Variants in DMGDH observed in about 807,000 individuals in gnomAD.
DMGDH encodes dimethylglycine dehydrogenase, mitochondrial.
A neutral mutation model predicts 95.2 loss-of-function variants in DMGDH; 76 were observed. The ratio of observed to expected loss-of-function variants is 0.80; its 90% CI spans 0.66 to 0.97. DMGDH has a LOEUF of 0.97. Among genes scored for constraint, DMGDH ranks in the 50% least tolerant of loss-of-function variants. DMGDH has a pLI of 0.00. For missense variants in DMGDH, 987 were observed against 1,055.0 expected, an observed-to-expected ratio of 0.94 and a Z score of 0.89; for synonymous variants, 345 against 377.6, an observed-to-expected ratio of 0.91 and a Z score of 1.00.
intron 9 of DMGDH, among the ~76,000 whole-genome samples, chr5:79,031,959 G>T (rs1754188271): frequency 6.6e-6 from 1 of 152,162 alleles, no homozygotes; most frequent in African/African-American, 2.4e-5. Context: ...GCTATACTTT[G>T]TATGAATTAG....
intron 7 of DMGDH, among the ~76,000 whole-genome samples, chr5:79,042,027 G>A (rs1474059883): frequency 6.6e-6 from 1 of 152,092 alleles, no homozygotes; most frequent in Non-Finnish European, 1.5e-5. Flanking sequence ...AAAGCTCCAG[G>A]AAATCATTGC....
At chr5:79,009,244 T>A (rs1753599939) in intron 14 of DMGDH, among the ~76,000 whole-genome samples, 1 of 152,160 alleles carries the variant, frequency 6.6e-6, no homozygotes, top group Admixed American at 6.5e-5. Context: ...AGGAATTAGG[T>A]CTTTTCAGTA....
intron 2 of DMGDH, among the ~76,000 whole-genome samples, chr5:79,060,877 C>T (rs2112672780): frequency 6.7e-6 from 1 of 149,060 alleles, no homozygotes; most frequent in Non-Finnish European, 1.5e-5. Flanking sequence ...GAGATCATGC[C>T]ACTGTACTCC....
intron 14 of DMGDH, among the ~76,000 whole-genome samples, chr5:79,010,001 T>C (rs1458453851): frequency 2.0e-5 from 3 of 152,224 alleles, no homozygotes; most frequent in Admixed American, 2.0e-4. Context: ...TTGAAAAATG[T>C]ATAAATTTCT....
intron 12 of DMGDH, 95 bp from the exon 13 acceptor site, chr5:79,026,676 C>T (rs1394187923): frequency 6.5e-7 from 1 of 1,543,744 alleles, no homozygotes; most frequent in East Asian, 2.3e-5. Flanking sequence ...GGAGAAATTC[C>T]ACTTATGCAA....
At chr5:79,053,894 G>A (rs1754941185) in intron 4 of DMGDH, among the ~76,000 whole-genome samples, 1 of 152,180 alleles carries the variant, frequency 6.6e-6, no homozygotes, top group African/African-American at 2.4e-5. Flanking sequence ...CAGAAGGTTT[G>A]TGTATGGAAA....
Position 79,066,447 on chromosome 5 carries a change from G to A in DMGDH, c.102-2660C>T, listed in dbSNP as rs540054305. On this transcript the variant is annotated intron_variant, in intron 1 of 15. Coordinates refer to ENST00000255189, the MANE Select transcript of DMGDH (RefSeq NM_013391.3). Reference sequence around the variant, plus strand: ...ACTGCAGGCGCCCACCACCACGCCCGGCTAATTTTTTTTTTTTTTTGTATT... The same window carrying A: ...ACTGCAGGCGCCCACCACCACGCCCAGCTAATTTTTTTTTTTTTTTGTATT... Among the ~76,000 whole-genome samples, 33 of 151,218 alleles carry A rather than the reference G, an allele frequency of 2.2e-4. No individual in the cohort carries two copies. In the South Asian group the frequency reaches 5.6e-3, roughly 26 times the overall value.
At chr5:79,052,091 A>G (rs1046560094) in intron 4 of DMGDH, among the ~76,000 whole-genome samples, 3 of 152,202 alleles carry the variant, frequency 2.0e-5, no homozygotes, top group Non-Finnish European at 4.4e-5. Flanking sequence ...CCTTTATTCT[A>G]TTAATGTGGT....
At position 78,998,015 on chromosome 5, in the gene DMGDH, C is replaced by T; in HGVS notation, c.*67G>A. On this transcript the variant is annotated 3_prime_UTR_variant, in exon 16 of 16. Coordinates refer to ENST00000255189, the MANE Select transcript of DMGDH (RefSeq NM_013391.3). Reference sequence around the variant, plus strand: ...CTGGTTTCCTCTATTCCCCTGGGAGCCAGTTATAATAATTTCAAGGACAGT... The same window carrying T: ...CTGGTTTCCTCTATTCCCCTGGGAGTCAGTTATAATAATTTCAAGGACAGT... 6.6e-7 allele frequency: 1 copy of T among 1,519,480 alleles called. No homozygotes were observed. Among genetic ancestry groups the T allele is most frequent in the Non-Finnish European group, 9.1e-7 (1 of 1,095,896 alleles). 94.1% of individuals were successfully genotyped at this position (1,519,480 alleles called of 1,614,324 possible). A position where few individuals can be genotyped will look rare whatever the true frequency, so the allele number is the denominator to read the frequency against.
At chr5:79,047,401 T>G (rs1031883702) in intron 5 of DMGDH, among the ~76,000 whole-genome samples, 1 of 152,184 alleles carries the variant, frequency 6.6e-6, no homozygotes, top group Non-Finnish European at 1.5e-5. Context: ...CAGGCAAAAT[T>G]AAGCAATTCT....
rs1754957473 is a variant in DMGDH at position 79,054,294 on chromosome 5, C to A, written c.430G>T (p.Val144Leu). 6.2e-7 allele frequency: 1 copy of A among 1,614,032 alleles called. No homozygotes were observed. Among genetic ancestry groups the A allele is most frequent in the South Asian group, 1.1e-5 (1 of 91,086 alleles). The change falls in exon 4 of 16, where the codon GTA (valine) becomes TTA (leucine). Residue 144 changes from valine (V) to leucine (L), a missense_variant. By Grantham distance (32) the Val-to-Leu change is conservative. Coordinates refer to ENST00000255189, the MANE Select transcript of DMGDH (RefSeq NM_013391.3). Reference protein sequence around the residue: ...SIRLATTPVRVDEFKYQMTRT... With the variant: ...SIRLATTPVRLDEFKYQMTRT... ...GTCATTTGATATTTAAATTCATCTA[C>A]CCTTACAGGGGTGGTAGCAAGTCTG...
chr5:79,030,063 G>A (rs763002672), intron 10 of DMGDH, 29 bp from the exon 11 acceptor site: 1 of 1,594,374 alleles, frequency 6.3e-7, no homozygotes, highest in Non-Finnish European at 8.6e-7. Context: ...AATTACCTTA[G>A]GATGAACTAA....
At position 78,998,006 on chromosome 5, in the gene DMGDH, C is replaced by T. The variant is rs1753389225; in HGVS notation, c.*76G>A. ...AATGAATTCCTGGTTTCCTCTATTC[C>T]CCTGGGAGCCAGTTATAATAATTTC... On this transcript the variant is annotated 3_prime_UTR_variant, in exon 16 of 16. Transcript: ENST00000255189. The T allele has an allele frequency of 4.7e-6, 7 of 1,476,898 alleles. No homozygotes were observed. Among genetic ancestry groups the T allele is most frequent in the East Asian group, 2.3e-5 (1 of 44,190 alleles). The allele number at this position is 1,476,898 out of a possible 1,614,324, so 91.5% of individuals were successfully genotyped here. A position where few individuals can be genotyped will look rare whatever the true frequency, so the allele number is the denominator to read the frequency against.
rs1561213721 is a variant in DMGDH at position 79,026,583 on chromosome 5, T to C, written c.2033-2A>G. On this transcript the variant is annotated splice_acceptor_variant, in intron 12 of 15. Transcript: ENST00000255189. LOFTEE classifies it high-confidence loss of function. ...GATACAGCTCCCAACCCAGCTCACC[T>C]GAAATAAACCCACAGGTGCCACAGC... is the stretch of plus-strand genomic sequence containing the variant. 2 of 1,613,888 alleles carry C rather than the reference T, an allele frequency of 1.2e-6. No individual in the cohort carries two copies. The highest frequency in any genetic ancestry group is 1.1e-5 in the South Asian group (1 of 91,080).
At chr5:79,040,725 A>T (rs1754485045) in intron 7 of DMGDH, among the ~76,000 whole-genome samples, 1 of 152,236 alleles carries the variant, frequency 6.6e-6, no homozygotes, top group African/African-American at 2.4e-5. Context: ...TAAGGTTCTT[A>T]TATCTAGAAT....
chr5:79,049,403 T>C (rs1048730717), intron 5 of DMGDH, among the ~76,000 whole-genome samples: 3 of 152,234 alleles, frequency 2.0e-5, no homozygotes, highest in Admixed American at 1.3e-4. Context: ...GAATGTATGA[T>C]TGCCTAAAGT....
At position 79,051,360 on chromosome 5, in the gene DMGDH, G is replaced by C. The variant is rs748858777; in HGVS notation, c.672C>G (p.Ala224=). ...KYPAPVTSLK[A]RSDGTWDVET... ...CAACGTCCCATGTTCCATCTGACCTGGCTTTCAGAGAAGTTACTGGTGCAG... is the reference window on the plus strand; with the variant it reads ...CAACGTCCCATGTTCCATCTGACCTCGCTTTCAGAGAAGTTACTGGTGCAG... Residue 224 remains alanine (A), a synonymous_variant, in exon 5 of 16, where the codon GCC becomes GCG. Transcript: ENST00000255189. The C allele has an allele frequency of 4.3e-6, 7 of 1,613,980 alleles. No homozygotes were observed. In the Admixed American group the frequency reaches 1.0e-4, roughly 23 times the overall value.
In DMGDH at chr5:79,043,279, G is replaced by A. The variant is rs537837640; in HGVS notation, c.995-798C>T. On this transcript the variant is annotated intron_variant, in intron 6 of 15. Transcript: ENST00000255189. ...AACAATCCAGCTCTCCCTCCAAATG[G>A]CATTATTTAAATATTTGTTCAAGAT... Among the ~76,000 whole-genome samples the A allele has an allele frequency of 4.6e-5, 7 of 152,206 alleles. No individual in the cohort carries two copies. In the South Asian group the frequency reaches 8.3e-4, roughly 18 times the overall value.
rs1392240591 is a variant in DMGDH, at chr5:79,044,469, T to C, written c.829A>G (p.Thr277Ala). The stretch of plus-strand genomic sequence containing the variant: ...TTCAAAGCTTTCACTTCAGATATAG[T>C]CGATGTAACAACATATTGATGTTGA... ...PVQHQYVVTS[T>A]ISEVKALKRE... The change falls in exon 6 of 16, where the codon ACT becomes GCT. Residue 277 changes from threonine to alanine, a missense_variant. Thr to Ala is a moderately conservative substitution (Grantham distance 58). Transcript: ENST00000255189. 2 of 1,614,166 alleles carry C rather than the reference T, an allele frequency of 1.2e-6. No individual in the cohort carries two copies. The highest frequency in any genetic ancestry group is 3.3e-5 in the Admixed American group (2 of 60,022).
Sources: allele counts gnomAD v4.1 joint callset (sites outside exome capture counted in the v4.1 genomes callset), GRCh38; gene constraint gnomAD v4.1.1; transcripts MANE v1.5; gene names NCBI Gene and HGNC (gene_info 2026-07-23, HGNC 2026-07-21).